Variants in STAG3 observed in about 807,000 individuals in gnomAD.
STAG3 encodes the protein STAG3 cohesin complex component, also known as cohesin subunit SA-3.
In STAG3, 101 loss-of-function variants were observed where a neutral mutation model predicts 160.7. That is an observed-to-expected ratio of 0.63 (90% CI 0.54 to 0.74). The LOEUF (loss-of-function observed/expected upper bound fraction) is 0.74, where lower values mean the gene tolerates loss of function less well. Among genes scored for constraint, STAG3 ranks in the 30% least tolerant of loss-of-function variants. STAG3 has a pLI of 0.00. For synonymous variants in STAG3, 519 were observed against 585.0 expected, an observed-to-expected ratio of 0.89 and a Z score of 1.63; for missense variants, 1,188 against 1,517.4, an observed-to-expected ratio of 0.78 and a Z score of 3.61.
At chr7:100,179,431 C>T (rs560074252) in intron 1 of STAG3, among the ~76,000 whole-genome samples, 1 of 152,114 alleles carries the variant, frequency 6.6e-6, no homozygotes, top group South Asian at 2.1e-4. Context: ...TGCTATGTTG[C>T]CCAGATTGGT....
chr7:100,206,447 T>C (rs1271465419), intron 29 of STAG3, among the ~76,000 whole-genome samples: 1 of 152,050 alleles, frequency 6.6e-6, no homozygotes, highest in East Asian at 1.9e-4. Context: ...ACAGCTTTAT[T>C]GAGATACAAC....
At chr7:100,213,635 T>C (rs1802485584) in intron 32 of STAG3, 100 bp from the exon 33 acceptor site, 3 of 1,585,616 alleles carry the variant, frequency 1.9e-6, no homozygotes, top group East Asian at 4.5e-5. Flanking sequence ...GCTGTGCCCA[T>C]ATTTGTTCTT....
intron 4 of STAG3, among the ~76,000 whole-genome samples, chr7:100,185,656 T>C (rs771964496): frequency 6.6e-6 from 1 of 151,704 alleles, no homozygotes; most frequent in East Asian, 1.9e-4. Context: ...ATTCTGATCA[T>C]GTATGTGGTG....
rs141440116 is a variant in STAG3, at chr7:100,204,841, C to T, written c.2951+66C>T. On this transcript the variant is annotated intron_variant, in intron 27 of 33. Coordinates refer to ENST00000615138, the MANE Select transcript of STAG3 (RefSeq NM_001282717.2). ...GGAACGAGGTCTTGGAGGGAGGTCT[C>T]GGAGGGAGGGTATGTGTGTCAAGGC... is the stretch of plus-strand genomic sequence containing the variant. 1.2e-4 allele frequency: 191 copies of T among 1,594,148 alleles called. No individual in the cohort carries two copies. The East Asian group carries it at 2.1e-3, about 18-fold the overall frequency.
chr7:100,203,993 C>T (rs761274829), intron 25 of STAG3, 28 bp from the exon 26 acceptor site: 3 of 1,503,862 alleles, frequency 2.0e-6, no homozygotes, highest in African/African-American at 2.7e-5. Flanking sequence ...ACCAGTCAGA[C>T]ATTACCTTCC....
chr7:100,198,667 C>T (rs1562982038), intron 13 of STAG3, 85 bp downstream of exon 13: 1 of 1,389,502 alleles, frequency 7.2e-7, no homozygotes, highest in Non-Finnish European at 1.0e-6. Flanking sequence ...TAAGGCTTCC[C>T]CATCTCTGTG....
chr7:100,204,579 C>T (rs1725220486), intron 26 of STAG3, 48 bp from the exon 27 acceptor site: 1 of 1,593,318 alleles, frequency 6.3e-7, no homozygotes, highest in African/African-American at 1.3e-5. Context: ...TTCTCTGTTT[C>T]CGCCGTGTTC....
downstream of STAG3, chr7:100,215,005 T>C (rs1293761409): frequency 2.0e-5 from 3 of 152,040 alleles, no homozygotes; most frequent in African/African-American, 4.8e-5. Context: ...GGCCAGCCTC[T>C]TGAAACTCAG....
chr7:100,186,682 C>CA lies in STAG3; in HGVS notation c.433+395dup, dbSNP rs577999879. ...CTGGGCGACAGAGCCAGACTGTCTT[C>CA]AAAAAAAAAGAGAGAAAAGTTTCAC... On this transcript the variant is annotated intron_variant, in intron 5 of 33. Transcript: ENST00000615138. Among the ~76,000 whole-genome samples, 16 of 148,442 alleles carry CA rather than the reference C, an allele frequency of 1.1e-4. 1 individual carries two copies. The South Asian group carries it at 1.3e-3, about 12-fold the overall frequency.
intron 3 of STAG3, 53 bp from the exon 4 acceptor site, chr7:100,182,670 C>T: frequency 6.3e-7 from 1 of 1,596,008 alleles, no homozygotes; most frequent in Non-Finnish European, 8.6e-7. Context: ...GTTAATGTCA[C>T]TGTTACCTTT....
At position 100,200,065 on chromosome 7, in the gene STAG3, CA is replaced by C. The variant is rs59199513; in HGVS notation, c.1678-154del. 44,996 of 367,324 alleles carry C rather than the reference CA, an allele frequency of 0.12. 64 individuals are homozygous for C. Among genetic ancestry groups the C allele is most frequent in the Middle Eastern group, 0.17 (241 of 1,446 alleles). 22.8% of individuals were successfully genotyped at this position (367,324 alleles called of 1,614,324 possible). A position where few individuals can be genotyped will look rare whatever the true frequency, so the allele number is the denominator to read the frequency against. ...TGGGTGACAGAGCGAGACTCCGTCTCAAAAAAAAAAAAAAAAAGGAGTTTCA... is the reference window on the plus strand; with the variant it reads ...TGGGTGACAGAGCGAGACTCCGTCTCAAAAAAAAAAAAAAAAGGAGTTTCA... On this transcript the variant is annotated intron_variant, in intron 16 of 33. Transcript: ENST00000615138.
intron 31 of STAG3, 91 bp downstream of exon 31, chr7:100,211,630 G>A (rs2117536145): frequency 6.7e-7 from 1 of 1,497,110 alleles, no homozygotes; most frequent in Non-Finnish European, 9.2e-7. Flanking sequence ...CTCTGTGGGT[G>A]CTTTTTGGAC....
chr7:100,183,690 A>G (rs1477280820), intron 4 of STAG3, among the ~76,000 whole-genome samples: 2 of 152,212 alleles, frequency 1.3e-5, no homozygotes, highest in Non-Finnish European at 2.9e-5. Context: ...TATTACCCAC[A>G]GGTAAACACT....
intron 2 of STAG3, 94 bp from the exon 3 acceptor site, chr7:100,181,996 G>A: frequency 2.6e-6 from 2 of 777,020 alleles, no homozygotes; most frequent in East Asian, 2.6e-5. Flanking sequence ...ATGGAGATGG[G>A]GTGCGGTGAG....
intron 2 of STAG3, chr7:100,181,567 G>C (rs1457294266): frequency 6.6e-6 from 1 of 152,200 alleles, no homozygotes; most frequent in Non-Finnish European, 1.5e-5. Flanking sequence ...TCTCTTCTTC[G>C]GAGAGAATAC....
Position 100,188,904 on chromosome 7 carries a change from G to A in STAG3, c.603G>A (p.Gln201=). 6.2e-7 allele frequency: 1 copy of A among 1,614,196 alleles called. No homozygotes were observed. The highest frequency in any genetic ancestry group is 2.2e-5 in the East Asian group (1 of 44,888). Residue 201 remains glutamine (Q), a synonymous_variant, in exon 7 of 34, where the codon CAG becomes CAA. Transcript: ENST00000615138. ...FCEFVRTLVC[Q]CQYSLLYDGF... Reference sequence around the variant, plus strand: ...AATTTGTGAGGACATTGGTCTGTCAGTGCCAGTACAGCCTCCTCTATGATG... The same window carrying A: ...AATTTGTGAGGACATTGGTCTGTCAATGCCAGTACAGCCTCCTCTATGATG...
intron 29 of STAG3, among the ~76,000 whole-genome samples, chr7:100,206,300 G>A (rs1328114429): frequency 1.3e-5 from 2 of 152,038 alleles, no homozygotes; most frequent in Non-Finnish European, 2.9e-5. Flanking sequence ...ACAGGTGTGA[G>A]CCACTGTGCC....
At chr7:100,199,706 C>T in intron 16 of STAG3, 62 bp downstream of exon 16, 1 of 1,284,286 alleles carries the variant, frequency 7.8e-7, no homozygotes, top group East Asian at 2.4e-5. Context: ...CAATGTGCAT[C>T]CTTATCCCCC....
chr7:100,211,786 C>A lies in STAG3; in HGVS notation c.3519-9C>A. 3 of 1,613,740 alleles carry A rather than the reference C, an allele frequency of 1.9e-6. No individual in the cohort carries two copies. The highest frequency in any genetic ancestry group is 2.5e-6 in the Non-Finnish European group (3 of 1,179,852). On this transcript the variant is annotated splice_polypyrimidine_tract_variant and intron_variant, in intron 31 of 33. Transcript: ENST00000615138. ...GTTTGAAAAGCCAGTCTCTTTGCCC[C>A]TACATCAGACTCAGCCTTATGGAAG...
Sources: gnomAD v4.1 joint callset for allele counts (sites outside exome capture counted in the v4.1 genomes callset) on GRCh38, gnomAD v4.1.1 for gene constraint, MANE v1.5 for transcripts, NCBI Gene and HGNC (gene_info 2026-07-23, HGNC 2026-07-21) for gene names.